ALG9: variants seen among roughly 807,000 people sequenced by gnomAD.
ALG9 encodes ALG9 alpha-1,2-mannosyltransferase.
In ALG9, 55 loss-of-function variants were observed where a neutral mutation model predicts 81.8. That is an observed-to-expected ratio of 0.67 (90% CI 0.54 to 0.84). The LOEUF is 0.84. Among genes scored for constraint, ALG9 ranks in the 40% least tolerant of loss-of-function variants. ALG9 has a pLI of 0.00. For synonymous variants in ALG9, 278 were observed against 274.3 expected, an observed-to-expected ratio of 1.01 and a Z score of -0.13; for missense variants, 629 against 745.0, an observed-to-expected ratio of 0.84 and a Z score of 1.81.
intron 13 of ALG9, among the ~76,000 whole-genome samples, chr11:111,825,365 C>T (rs563606571): frequency 3.9e-5 from 6 of 152,194 alleles, no homozygotes; most frequent in South Asian, 2.1e-4. Flanking sequence ...CAGAGAACAC[C>T]GTCACATACA....
At chr11:111,859,363 G>A (rs368781073) in intron 5 of ALG9, among the ~76,000 whole-genome samples, 83 of 152,064 alleles carry the variant, frequency 5.5e-4, no homozygotes, top group African/African-American at 1.9e-3. Context: ...TTAGCTGGGC[G>A]TGGTGGTGCA....
Position 111,869,481 on chromosome 11 carries a change from T to C in ALG9, c.271-745A>G, listed in dbSNP as rs181234173. On this transcript the variant is annotated intron_variant, in intron 2 of 14. Coordinates refer to ENST00000616540, the MANE Select transcript of ALG9 (RefSeq NM_024740.2). ...TAAAAAGTGAAAAAAAGTGGTTGCT[T>C]CTGGAAAGTAGGATTTGGACACGAG... Among the ~76,000 whole-genome samples, 683 of 152,314 alleles carry C rather than the reference T, an allele frequency of 4.5e-3. 4 individuals are homozygous for C. The highest frequency in any genetic ancestry group is 7.2e-3 in the Non-Finnish European group (489 of 68,026).
At chr11:111,871,330 C>G in intron 1 of ALG9, 22 bp downstream of exon 1, 1 of 1,453,512 alleles carries the variant, frequency 6.9e-7, no homozygotes, top group Non-Finnish European at 9.0e-7. Context: ...CCGGCCACGC[C>G]CCTGCCGCGC....
Position 111,870,217 on chromosome 11 carries a change from A to G in ALG9, c.270+15T>C. On this transcript the variant is annotated intron_variant, in intron 2 of 14. Coordinates refer to ENST00000616540, the MANE Select transcript of ALG9 (RefSeq NM_024740.2). ...AAATCAAGAACAAAAAGAGAAAACTAAAGAAATCACCTACTGGCTCCCAGT... is the reference window on the plus strand; with the variant it reads ...AAATCAAGAACAAAAAGAGAAAACTGAAGAAATCACCTACTGGCTCCCAGT... The G allele has an allele frequency of 6.9e-6, 11 of 1,605,580 alleles. No homozygotes were observed. The highest frequency in any genetic ancestry group is 8.5e-6 in the Non-Finnish European group (10 of 1,177,778).
intron 6 of ALG9, among the ~76,000 whole-genome samples, chr11:111,854,437 T>C (rs2137064114): frequency 6.6e-6 from 1 of 151,740 alleles, no homozygotes; most frequent in South Asian, 2.1e-4. Flanking sequence ...CCCCGCTAAT[T>C]GTTTTGTATT....
In ALG9 at chr11:111,854,095, CTTTTT is replaced by C. The variant is rs34575358; in HGVS notation, c.702-364_702-360del. ...ATTTTAGTAATAACCTTATTACAGA[CTTTTT>C]TTTTTTTTTTTTTTTGAGACAGGGT... is the stretch of plus-strand genomic sequence containing the variant. On this transcript the variant is annotated intron_variant, in intron 6 of 14. Transcript: ENST00000616540. Among the ~76,000 whole-genome samples, 3 of 117,780 alleles carry C rather than the reference CTTTTT, an allele frequency of 2.5e-5. No homozygotes were observed. In the Admixed American group the frequency reaches 2.9e-4, roughly 11 times the overall value. The allele number at this position is 117,780 out of a possible 152,430, so 77.3% of individuals were successfully genotyped here. A position where few individuals can be genotyped will look rare whatever the true frequency, so the allele number is the denominator to read the frequency against.
intron 14 of ALG9, among the ~76,000 whole-genome samples, chr11:111,789,537 G>A (rs1214753541): frequency 6.6e-6 from 1 of 151,340 alleles, no homozygotes; most frequent in Non-Finnish European, 1.5e-5. Context: ...ACCGTACCCA[G>A]CCTATAAAAT....
At chr11:111,853,758 C>T (rs782346214) in intron 6 of ALG9, 22 bp from the exon 7 acceptor site, 9 of 1,589,502 alleles carry the variant, frequency 5.7e-6, no homozygotes, top group Middle Eastern at 3.3e-4. Flanking sequence ...AGAAACAGAG[C>T]GGGGAGTTAA....
intron 13 of ALG9, among the ~76,000 whole-genome samples, chr11:111,812,873 C>T (rs1247509119): frequency 7.4e-6 from 1 of 135,426 alleles, no homozygotes; most frequent in African/African-American, 2.9e-5. Context: ...GCCAAGATTG[C>T]ACCACTGCAC....
intron 13 of ALG9, among the ~76,000 whole-genome samples, chr11:111,823,250 A>G (rs1436824397): frequency 6.6e-6 from 1 of 152,184 alleles, no homozygotes; most frequent in African/African-American, 2.4e-5. Flanking sequence ...ACTCTAGAGA[A>G]AGCAATTCCT....
intron 13 of ALG9, among the ~76,000 whole-genome samples, chr11:111,834,296 T>C (rs915881996): frequency 6.6e-6 from 1 of 152,136 alleles, no homozygotes; most frequent in African/African-American, 2.4e-5. Flanking sequence ...TAGTCACCAA[T>C]ATAAGCGAAG....
Position 111,786,292 on chromosome 11 carries a change from A to C in ALG9, c.*105T>G. 6.4e-7 allele frequency: 1 copy of C among 1,554,336 alleles called. No individual in the cohort carries two copies. ...GCACCCAGATTCCAGTATTCATGTC[A>C]GAAGACCTTTATTACAAATGTTACA... On this transcript the variant is annotated 3_prime_UTR_variant, in exon 15 of 15. Transcript: ENST00000616540.
At chr11:111,870,449 A>G (rs1963973374) in intron 1 of ALG9, 79 bp from the exon 2 acceptor site, 2 of 1,473,110 alleles carry the variant, frequency 1.4e-6, no homozygotes, top group African/African-American at 1.5e-5. Context: ...AAATCTAGAT[A>G]GAAAGGACAA....
intron 1 of ALG9, chr11:111,871,110 G>T: frequency 8.1e-7 from 1 of 1,239,002 alleles, no homozygotes. Flanking sequence ...GCCTGGCCCA[G>T]GAGCATCACA....
intron 14 of ALG9, among the ~76,000 whole-genome samples, chr11:111,793,489 T>C (rs1555072353): frequency 6.6e-6 from 1 of 152,104 alleles, no homozygotes; most frequent in African/African-American, 2.4e-5. Flanking sequence ...GGGCCAGGCA[T>C]GGTGGCTCAC....
intron 14 of ALG9, among the ~76,000 whole-genome samples, chr11:111,791,161 T>C (rs1555070083): frequency 1.3e-5 from 2 of 152,218 alleles, no homozygotes; most frequent in African/African-American, 2.4e-5. Flanking sequence ...AAAAAATCAA[T>C]GTGCCTACTA....
intron 8 of ALG9, among the ~76,000 whole-genome samples, chr11:111,850,178 T>C (rs911043656): frequency 1.3e-5 from 2 of 152,214 alleles, no homozygotes; most frequent in African/African-American, 2.4e-5. Context: ...TATTATTTGG[T>C]ATCACGAAAA....
chr11:111,810,686 G>A (rs1950573078), intron 13 of ALG9, among the ~76,000 whole-genome samples: 1 of 152,220 alleles, frequency 6.6e-6, no homozygotes, highest in African/African-American at 2.4e-5. Flanking sequence ...AGCCTCAGAG[G>A]TCAAGGCTGC....
chr11:111,839,980 T>A (rs1955964635), intron 10 of ALG9, among the ~76,000 whole-genome samples: 1 of 152,138 alleles, frequency 6.6e-6, no homozygotes, highest in Admixed American at 6.6e-5. Context: ...AGCTAAAGGG[T>A]ACAGGGTTTT....
Sources: gnomAD v4.1 joint callset for allele counts (sites outside exome capture counted in the v4.1 genomes callset) on GRCh38, gnomAD v4.1.1 for gene constraint, MANE v1.5 for transcripts, NCBI Gene and HGNC (gene_info 2026-07-23, HGNC 2026-07-21) for gene names.